Variants in CREB3L2 observed in about 807,000 individuals in gnomAD.
CREB3L2 encodes cyclic AMP-responsive element-binding protein 3-like protein 2.
In CREB3L2, 23 loss-of-function variants were observed where a neutral mutation model predicts 57.2. The ratio of observed to expected loss-of-function variants is 0.40; its 90% CI spans 0.29 to 0.57. CREB3L2 has a LOEUF of 0.57. Among genes scored for constraint, CREB3L2 ranks in the 20% least tolerant of loss-of-function variants. The pLI is 0.42. For synonymous variants in CREB3L2, 268 were observed against 265.1 expected, an observed-to-expected ratio of 1.01 and a Z score of -0.11; for missense variants, 628 against 634.7, an observed-to-expected ratio of 0.99 and a Z score of 0.11.
intron 8 of CREB3L2, among the ~76,000 whole-genome samples, chr7:137,888,297 T>C (rs939413483): frequency 2.7e-5 from 4 of 149,644 alleles, no homozygotes; most frequent in Middle Eastern, 3.4e-3. Flanking sequence ...GTATGTTTAC[T>C]TAATGCTGAG....
At chr7:137,936,087 G>A (rs181018871) in intron 1 of CREB3L2, among the ~76,000 whole-genome samples, 86 of 152,282 alleles carry the variant, frequency 5.6e-4, no homozygotes, top group Middle Eastern at 3.4e-3. Flanking sequence ...TAAAGCTACC[G>A]ACCTGTCTTC....
In CREB3L2 at chr7:137,877,000, G is replaced by A. The variant is rs3735017; in HGVS notation, c.*3476C>T. 6.9e-5 allele frequency: 16 copies of A among 230,388 alleles called. No homozygotes were observed. Among genetic ancestry groups the A allele is most frequent in the South Asian group, 1.8e-4 (1 of 5,508 alleles). The allele number at this position is 230,388 out of a possible 1,614,324, so 14.3% of individuals were successfully genotyped here. ...GAGAGGCCTCTAATTCTGCCTCTAC[G>A]CTTTTGCTGGGTCTGAGGACATGGG... On this transcript the variant is annotated 3_prime_UTR_variant, in exon 12 of 12. Coordinates refer to ENST00000330387, the MANE Select transcript of CREB3L2 (RefSeq NM_194071.4).
At chr7:137,977,034 G>C (rs1479674351) in intron 1 of CREB3L2, among the ~76,000 whole-genome samples, 1 of 152,146 alleles carries the variant, frequency 6.6e-6, no homozygotes, top group Non-Finnish European at 1.5e-5. Flanking sequence ...TATTCCTTTA[G>C]AAATGAGGCT....
In CREB3L2 at chr7:137,992,556, G is replaced by A. The variant is rs11975259; in HGVS notation, c.102+9048C>T. 7.7e-3 allele frequency among the ~76,000 whole-genome samples: 1,173 copies of A among 152,334 alleles called. 15 individuals carry two copies. Among genetic ancestry groups the A allele is most frequent in the African/African-American group, 0.027 (1,127 of 41,578 alleles). Reference sequence around the variant, plus strand: ...TCTGCTGCTCAGGTGGACCTAGCAGGCTTGAGTCAAACTCCAAAGATCTGC... The same window carrying A: ...TCTGCTGCTCAGGTGGACCTAGCAGACTTGAGTCAAACTCCAAAGATCTGC... On this transcript the variant is annotated intron_variant, in intron 1 of 11. Coordinates refer to ENST00000330387, the MANE Select transcript of CREB3L2 (RefSeq NM_194071.4).
chr7:137,939,076 C>T (rs1239643247), intron 1 of CREB3L2, among the ~76,000 whole-genome samples: 1 of 152,180 alleles, frequency 6.6e-6, no homozygotes, highest in African/African-American at 2.4e-5. Flanking sequence ...CTTTCTGAAC[C>T]CAAATTAGCC....
rs9584 is a variant in CREB3L2 at position 137,875,633 on chromosome 7, C to T, written c.*4843G>A. ...TTGCAGGGGACAGGTGCTGTAATTC[C>T]TGCCCAGAGAACTTGAAAGCTTACA... On this transcript the variant is annotated 3_prime_UTR_variant, in exon 12 of 12. Coordinates refer to ENST00000330387, the MANE Select transcript of CREB3L2 (RefSeq NM_194071.4). The T allele has an allele frequency of 6.8e-3, 1,538 of 224,794 alleles. 21 individuals carry two copies. Among genetic ancestry groups the T allele is most frequent in the African/African-American group, 0.027 (1,210 of 45,026 alleles). The allele number at this position is 224,794 out of a possible 1,614,324, so 13.9% of individuals were successfully genotyped here. A position where few individuals can be genotyped will look rare whatever the true frequency, so the allele number is the denominator to read the frequency against.
Position 137,875,922 on chromosome 7 carries a change from C to T in CREB3L2, c.*4554G>A. 1 of 225,958 alleles carries T rather than the reference C, an allele frequency of 4.4e-6. No individual in the cohort carries two copies. Among genetic ancestry groups the T allele is most frequent in the Non-Finnish European group, 8.8e-6 (1 of 113,592 alleles). 14.0% of individuals were successfully genotyped at this position (225,958 alleles called of 1,614,324 possible). ...CCAAAATAACAAAACAAAACAACAC[C>T]TAGTTTTTTCCTGTGTTAAGTGCTG... On this transcript the variant is annotated 3_prime_UTR_variant, in exon 12 of 12. Coordinates refer to ENST00000330387, the MANE Select transcript of CREB3L2 (RefSeq NM_194071.4).
intron 1 of CREB3L2, among the ~76,000 whole-genome samples, chr7:137,967,406 C>A (rs889870): frequency 0.23 from 34,245 of 151,968 alleles, 5,250 homozygotes; most frequent in African/African-American, 0.42. Flanking sequence ...GCCAAGGACT[C>A]AGGAAGAAAA....
intron 8 of CREB3L2, among the ~76,000 whole-genome samples, chr7:137,901,039 T>C (rs1270255038): frequency 2.0e-5 from 3 of 152,122 alleles, no homozygotes; most frequent in Non-Finnish European, 4.4e-5. Flanking sequence ...CTGTATCATT[T>C]AGGAAAAGTA....
At chr7:137,908,575 G>T in intron 4 of CREB3L2, 139 bp from the exon 5 acceptor site, 2 of 485,248 alleles carry the variant, frequency 4.1e-6, no homozygotes, top group South Asian at 1.1e-4. Context: ...GCGTGGATAT[G>T]GGAGTCCTCC....
rs1340855129 is a variant in CREB3L2, at chr7:137,999,106, ATT to A, written c.102+2496_102+2497del. Reference sequence around the variant, plus strand: ...AAATGAGTAATCTGAAATACATGATATTAACACAGTCTCATGAAAATGCACAC... The same window carrying A: ...AAATGAGTAATCTGAAATACATGATAAACACAGTCTCATGAAAATGCACAC... On this transcript the variant is annotated intron_variant, in intron 1 of 11. Coordinates refer to ENST00000330387, the MANE Select transcript of CREB3L2 (RefSeq NM_194071.4). 5.9e-5 allele frequency among the ~76,000 whole-genome samples: 9 copies of A among 152,132 alleles called. 1 individual carries two copies. In the East Asian group the frequency reaches 1.7e-3, roughly 29 times the overall value.
chr7:137,956,740 A>G, intron 1 of CREB3L2: 1 of 869,882 alleles, frequency 1.1e-6, no homozygotes, highest in Non-Finnish European at 1.6e-6. Context: ...TGAGTTGGGC[A>G]AACATTTGCG....
chr7:137,982,528 G>A (rs1017165212), intron 1 of CREB3L2, among the ~76,000 whole-genome samples: 4 of 152,102 alleles, frequency 2.6e-5, no homozygotes, highest in East Asian at 1.9e-4. Context: ...TTCCTGTATC[G>A]TTCTCGTGAT....
At chr7:137,967,309 G>A (rs900893236) in intron 1 of CREB3L2, among the ~76,000 whole-genome samples, 4 of 152,174 alleles carry the variant, frequency 2.6e-5, no homozygotes, top group East Asian at 1.9e-4. Flanking sequence ...CAAAAGGTGA[G>A]TGAATCTCCA....
chr7:137,894,062 C>T (rs1799572564), intron 8 of CREB3L2, among the ~76,000 whole-genome samples: 2 of 152,182 alleles, frequency 1.3e-5, no homozygotes, highest in African/African-American at 4.8e-5. Context: ...TGTTCCTACA[C>T]ATTCTGCTGT....
chr7:137,901,564 G>C, intron 7 of CREB3L2, 142 bp from the exon 8 acceptor site: 1 of 519,468 alleles, frequency 1.9e-6, no homozygotes, highest in East Asian at 3.3e-5. Flanking sequence ...AGTATTGAAA[G>C]AAGGATGAAG....
intron 8 of CREB3L2, among the ~76,000 whole-genome samples, chr7:137,895,612 T>C (rs975628315): frequency 1.6e-5 from 2 of 128,664 alleles, no homozygotes; most frequent in African/African-American, 2.9e-5. Flanking sequence ...AAATCAATAA[T>C]AGGCTAGGTG....
At chr7:137,996,595 C>G (rs561031888) in intron 1 of CREB3L2, among the ~76,000 whole-genome samples, 1 of 152,348 alleles carries the variant, frequency 6.6e-6, no homozygotes, top group East Asian at 1.9e-4. Context: ...TCATATCACT[C>G]TCCGGGCCAG....
chr7:137,990,451 C>T (rs73458483), intron 1 of CREB3L2, among the ~76,000 whole-genome samples: 1,686 of 152,300 alleles, frequency 0.011, 42 homozygotes, highest in African/African-American at 0.039. Flanking sequence ...AATTTAATGA[C>T]GCATCTTCCT....
Sources: gnomAD v4.1 joint callset for allele counts (sites outside exome capture counted in the v4.1 genomes callset) on GRCh38, gnomAD v4.1.1 for gene constraint, MANE v1.5 for transcripts, NCBI Gene and HGNC (gene_info 2026-07-23, HGNC 2026-07-21) for gene names.